The following DIPK2B variants were observed in gnomAD, a reference collection of about 807,000 sequenced individuals.
DIPK2B encodes the protein UPF0672 protein CXorf36.
In DIPK2B, 15 loss-of-function variants were observed where a neutral mutation model predicts 22.2. The observed-to-expected ratio is 0.68, with a 90% CI of 0.45 to 1.04. The LOEUF (loss-of-function observed/expected upper bound fraction) is 1.04, where lower values mean the gene tolerates loss of function less well. Among genes scored for constraint, DIPK2B ranks in the 50% least tolerant of loss-of-function variants. The pLI, the probability that DIPK2B is intolerant of heterozygous loss-of-function variation, is 0.00. For missense variants in DIPK2B, 345 were observed against 348.3 expected (o/e 0.99, Z 0.08); for synonymous variants, 163 against 153.2 (o/e 1.06, Z -0.47).
chrX:45,181,529 CAG>C (rs1191700238), intron 2 of DIPK2B, among the ~76,000 whole-genome samples: 1 of 111,980 alleles, frequency 8.9e-6, no homozygotes, highest in Non-Finnish European at 1.9e-5. Context: ...TGGAATACAA[CAG>C]AGATTCCAGA....
chrX:45,172,072 G>A (rs1452586184), intron 2 of DIPK2B, among the ~76,000 whole-genome samples: 1 of 112,050 alleles, frequency 8.9e-6, no homozygotes, highest in Non-Finnish European at 1.9e-5. Flanking sequence ...GATCCAGTCT[G>A]CTGAGAGATA....
rs2046964745 is a variant in DIPK2B at position 45,151,968 on chromosome X, C to T, written c.986G>A (p.Gly329Glu). The change falls in exon 5 of 5, where the codon GGA (glycine) becomes GAA (glutamate). Residue 329 changes from glycine to glutamate, a missense_variant. Transcript: ENST00000398000. Reference protein sequence around the residue: ...QEGSQEANRAGENKDIFSCLV... With the variant: ...QEGSQEANRAEENKDIFSCLV... ...GCAGCTAAAAATGTCTTTATTCTCT[C>T]CTGCCCTGTTGGCTTCTTGGCTGCC... The T allele has an allele frequency of 8.5e-7, 1 of 1,179,517 alleles. No individual in the cohort carries two copies. Among genetic ancestry groups the T allele is most frequent in the East Asian group, 3.1e-5 (1 of 31,970 alleles).
chrX:45,165,520 G>C (rs1347165469), intron 2 of DIPK2B, among the ~76,000 whole-genome samples: 3 of 110,528 alleles, frequency 2.7e-5, no homozygotes, highest in Non-Finnish European at 3.8e-5. Context: ...CAGTTGGAAA[G>C]TAATTGACTG....
chrX:45,163,285 TC>T lies in DIPK2B; in HGVS notation c.499-5398del, dbSNP rs1355660429. 6 of 520,766 alleles carry T rather than the reference TC, an allele frequency of 1.2e-5. No individual in the cohort carries two copies. In the South Asian group the frequency reaches 4.0e-4, roughly 34 times the overall value. 42.9% of individuals were successfully genotyped at this position (520,766 alleles called of 1,213,427 possible). A position where few individuals can be genotyped will look rare whatever the true frequency, so the allele number is the denominator to read the frequency against. On this transcript the variant is annotated intron_variant, in intron 2 of 4. Transcript: ENST00000398000. The stretch of plus-strand genomic sequence containing the variant: ...ACCATATGGATTTTGGACTTGCCAA[TC>T]CCCACAATCATGTAAATCAATTCTT...
rs186782247 is a variant in DIPK2B, at chrX:45,159,517, A to T, written c.499-1629T>A. Among the ~76,000 whole-genome samples the T allele has an allele frequency of 6.8e-3, 757 of 111,837 alleles. 11 individuals are homozygous for T. Among genetic ancestry groups the T allele is most frequent in the African/African-American group, 0.024 (724 of 30,767 alleles). On this transcript the variant is annotated intron_variant, in intron 2 of 4. Coordinates refer to ENST00000398000, the MANE Select transcript of DIPK2B (RefSeq NM_176819.4). Reference sequence around the variant, plus strand: ...GGAGCCAGGCAGGACCTGCACCCTTATCTTTACTGGGAATGAGAGGATCAC... The same window carrying T: ...GGAGCCAGGCAGGACCTGCACCCTTTTCTTTACTGGGAATGAGAGGATCAC...
intron 1 of DIPK2B, among the ~76,000 whole-genome samples, chrX:45,198,350 G>T (rs957426008): frequency 9.0e-6 from 1 of 111,349 alleles, no homozygotes; most frequent in Admixed American, 9.5e-5. Flanking sequence ...GTAGAGAAAA[G>T]GACTCTAAAC....
intron 2 of DIPK2B, chrX:45,162,488 G>A (rs2047027051): frequency 2.7e-6 from 2 of 752,548 alleles, no homozygotes; most frequent in Admixed American, 8.8e-5. Flanking sequence ...CTTACAGAGT[G>A]AGACCTTTGT....
intron 3 of DIPK2B, among the ~76,000 whole-genome samples, chrX:45,156,808 T>C (rs1460537752): frequency 1.8e-5 from 2 of 111,836 alleles, no homozygotes. Flanking sequence ...TTATTATGTA[T>C]TCAATCATCA....
At chrX:45,194,911 CT>C (rs1000713700) in intron 1 of DIPK2B, among the ~76,000 whole-genome samples, 5 of 111,500 alleles carry the variant, frequency 4.5e-5, no homozygotes, top group African/African-American at 6.5e-5. Flanking sequence ...GTTCATTGTC[CT>C]TTTTTTCTGT....
intron 2 of DIPK2B, among the ~76,000 whole-genome samples, chrX:45,189,568 G>T (rs891852927): frequency 1.1e-4 from 12 of 111,664 alleles, no homozygotes; most frequent in Non-Finnish European, 2.3e-4. Flanking sequence ...AGCCGAGATG[G>T]CGCCACTGCA....
intron 2 of DIPK2B, among the ~76,000 whole-genome samples, chrX:45,158,234 C>T (rs1308172781): frequency 1.6e-4 from 18 of 109,816 alleles, no homozygotes; most frequent in Admixed American, 2.9e-4. Context: ...AATGAGCTCT[C>T]TTGGGCAGCA....
Position 45,149,067 on chromosome X carries a change from G to A in DIPK2B, c.*2585C>T. On this transcript the variant is annotated 3_prime_UTR_variant, in exon 5 of 5. Transcript: ENST00000398000. ...TGCTTACCTTGAACCCGTGCAGGTG[G>A]ACAGATGTGTGGTGGAGGCATTTGA... is the stretch of plus-strand genomic sequence containing the variant. The A allele has an allele frequency of 8.9e-6, 1 of 112,551 alleles. No homozygotes were observed. Among genetic ancestry groups the A allele is most frequent in the East Asian group, 2.8e-4 (1 of 3,564 alleles). 9.3% of individuals were successfully genotyped at this position (112,551 alleles called of 1,213,427 possible).
intron 2 of DIPK2B, among the ~76,000 whole-genome samples, chrX:45,160,636 C>T (rs1382327165): frequency 9.0e-6 from 1 of 111,596 alleles, no homozygotes; most frequent in East Asian, 2.8e-4. Flanking sequence ...ACAGTATATG[C>T]AAAAATCTTG....
At chrX:45,156,811 AATC>A (rs2046998035) in intron 3 of DIPK2B, among the ~76,000 whole-genome samples, 1 of 111,522 alleles carries the variant, frequency 9.0e-6, no homozygotes, top group African/African-American at 3.3e-5. Context: ...TTATGTATTC[AATC>A]ATCATGCCTT....
chrX:45,173,957 G>C (rs891908518), intron 2 of DIPK2B, among the ~76,000 whole-genome samples: 2 of 111,158 alleles, frequency 1.8e-5, no homozygotes, highest in Non-Finnish European at 3.8e-5. Flanking sequence ...CCTTCATGAG[G>C]TACTGTCTAC....
intron 2 of DIPK2B, among the ~76,000 whole-genome samples, chrX:45,165,216 G>T (rs1305973688): frequency 1.8e-5 from 2 of 111,630 alleles, no homozygotes; most frequent in Non-Finnish European, 3.8e-5. Flanking sequence ...ATTCTTGATG[G>T]TAAAGACAGT....
intron 2 of DIPK2B, among the ~76,000 whole-genome samples, chrX:45,168,368 T>A (rs1055681362): frequency 8.9e-6 from 1 of 112,333 alleles, no homozygotes; most frequent in South Asian, 3.7e-4. Context: ...AAAGAGTGAA[T>A]AACATATCCA....
At chrX:45,178,168 A>T (rs1227976457) in intron 2 of DIPK2B, among the ~76,000 whole-genome samples, 4 of 112,232 alleles carry the variant, frequency 3.6e-5, no homozygotes, top group Non-Finnish European at 7.5e-5. Flanking sequence ...GGAAGGCCTC[A>T]GTTCCCTTGG....
intron 2 of DIPK2B, among the ~76,000 whole-genome samples, chrX:45,172,640 T>G (rs2047089619): frequency 9.0e-6 from 1 of 111,653 alleles, no homozygotes; most frequent in Non-Finnish European, 1.9e-5. Flanking sequence ...TGCTCAAAGA[T>G]TTTCACTGTG....
Sources: allele counts gnomAD v4.1 joint callset (sites outside exome capture counted in the v4.1 genomes callset), GRCh38; gene constraint gnomAD v4.1.1; transcripts MANE v1.5; gene names NCBI Gene and HGNC (gene_info 2026-07-23, HGNC 2026-07-21).